The following RBM26 variants were observed in gnomAD, a reference collection of about 807,000 sequenced individuals.
The protein encoded by RBM26 is RNA binding motif protein 26.
A neutral mutation model predicts 123.6 loss-of-function variants in RBM26; 30 were observed. The observed-to-expected ratio is 0.24, with a 90% CI of 0.18 to 0.33. The LOEUF is 0.33. Among genes scored for constraint, RBM26 ranks in the 10% least tolerant of loss-of-function variants. RBM26 has a pLI of 1.00. For missense variants in RBM26, 947 were observed against 1,203.6 expected (o/e 0.79, Z 3.15); for synonymous variants, 400 against 404.4 (o/e 0.99, Z 0.13).
chr13:79,348,900 C>T lies in RBM26; in HGVS notation c.2059-4106G>A, dbSNP rs1404162507. Reference sequence around the variant, plus strand: ...AGTATGTTTTAATGCACTGATCTACCTTATCTTTTTTGTAGCTTTCAAAAT... The same window carrying T: ...AGTATGTTTTAATGCACTGATCTACTTTATCTTTTTTGTAGCTTTCAAAAT... On this transcript the variant is annotated intron_variant, in intron 14 of 21. Coordinates refer to ENST00000438737, the MANE Select transcript of RBM26 (RefSeq NM_001366735.2). 3.3e-5 allele frequency among the ~76,000 whole-genome samples: 5 copies of T among 152,068 alleles called. No individual in the cohort carries two copies. The South Asian group carries it at 6.2e-4, about 19-fold the overall frequency.
At chr13:79,391,432 G>C (rs969550894) in intron 1 of RBM26, among the ~76,000 whole-genome samples, 9 of 152,158 alleles carry the variant, frequency 5.9e-5, no homozygotes, top group African/African-American at 2.2e-4. Flanking sequence ...CTTTTTGTGT[G>C]TGTGTTTTTT....
At chr13:79,405,267 G>A (rs1311165858) in intron 1 of RBM26, among the ~76,000 whole-genome samples, 1 of 152,200 alleles carries the variant, frequency 6.6e-6, no homozygotes, top group African/African-American at 2.4e-5. Context: ...CATGGGAGAC[G>A]TGGCCTTGCT....
At chr13:79,360,116 T>C (rs998881330) in intron 9 of RBM26, among the ~76,000 whole-genome samples, 18 of 152,124 alleles carry the variant, frequency 1.2e-4, no homozygotes, top group Admixed American at 3.3e-4. Context: ...ACTTTTATTA[T>C]AGTATATTGT....
intron 15 of RBM26, 78 bp downstream of exon 15, chr13:79,344,591 T>C (rs2071981215): frequency 7.8e-7 from 1 of 1,285,398 alleles, no homozygotes; most frequent in Non-Finnish European, 1.1e-6. Context: ...TATTTTGCAA[T>C]AAGCACTGAA....
chr13:79,341,079 A>G, intron 18 of RBM26, 44 bp downstream of exon 18: 1 of 1,146,128 alleles, frequency 8.7e-7, no homozygotes, highest in Non-Finnish European at 1.3e-6. Flanking sequence ...CTACAACTAC[A>G]TTTGCTTCTT....
In RBM26 at chr13:79,356,388, ACAAAAAAAAAC is replaced by A. The variant is rs2074013897; in HGVS notation, c.1690-1015_1690-1005del. 4.8e-3 allele frequency among the ~76,000 whole-genome samples: 218 copies of A among 45,378 alleles called. 1 individual carries two copies. Among genetic ancestry groups the A allele is most frequent in the African/African-American group, 0.016 (160 of 9,812 alleles). The allele number at this position is 45,378 out of a possible 152,430, so 29.8% of individuals were successfully genotyped here. On this transcript the variant is annotated intron_variant, in intron 11 of 21. Transcript: ENST00000438737. ...CTGTCTCAAAAAAAAAAAAAAACAA[ACAAAAAAAAAC>A]AAAAAAGTAGTTGGAATCAAACTGC...
Position 79,366,887 on chromosome 13 carries a change from T to C in RBM26, c.896-15A>G, listed in dbSNP as rs1008881609. The C allele has an allele frequency of 6.4e-7, 1 of 1,566,364 alleles. No homozygotes were observed. The highest frequency in any genetic ancestry group is 8.7e-7 in the Non-Finnish European group (1 of 1,151,564). On this transcript the variant is annotated splice_polypyrimidine_tract_variant and intron_variant, in intron 6 of 21. Transcript: ENST00000438737. ...AAAACCCTTTTCTATGAGGAAGGAA[T>C]AGTTAGAAACAAATGTCAAAAGCAC...
rs2139230555 is a variant in RBM26 at position 79,345,505 on chromosome 13, T to C, written c.2059-711A>G. On this transcript the variant is annotated intron_variant, in intron 14 of 21. Transcript: ENST00000438737. Reference sequence around the variant, plus strand: ...AATGTGTCTTTTCCCCCGTCTACAATGTAAGGGCATTAACATAAAGACTTG... The same window carrying C: ...AATGTGTCTTTTCCCCCGTCTACAACGTAAGGGCATTAACATAAAGACTTG... Among the ~76,000 whole-genome samples, 2 of 152,210 alleles carry C rather than the reference T, an allele frequency of 1.3e-5. 1 individual carries two copies. Among genetic ancestry groups the C allele is most frequent in the South Asian group, 4.1e-4 (2 of 4,824 alleles).
chr13:79,327,763 T>C (rs2068661072), intron 20 of RBM26, among the ~76,000 whole-genome samples: 2 of 152,048 alleles, frequency 1.3e-5, no homozygotes, highest in South Asian at 4.1e-4. Context: ...GTTGTCTATA[T>C]AAAGAAACCA....
chr13:79,328,683 T>TAAAA (rs747906560), intron 20 of RBM26, among the ~76,000 whole-genome samples: 719 of 37,624 alleles, frequency 0.019, 13 homozygotes, highest in African/African-American at 0.037. Flanking sequence ...CTGCATTAAG[T>TAAAA]AAAAAAAAAA....
exon 5 of RBM26, chr13:79,312,962 G>C (rs1349059359): frequency 2.0e-5 from 3 of 151,586 alleles, no homozygotes; most frequent in East Asian, 3.9e-4. Flanking sequence ...TTGTAAACAA[G>C]ACCAAAAATA....
intron 6 of RBM26, among the ~76,000 whole-genome samples, chr13:79,368,033 TTA>T (rs1555326859): frequency 5.5e-5 from 5 of 90,776 alleles, no homozygotes; most frequent in Admixed American, 3.0e-4. Flanking sequence ...TTTTTTATTT[TTA>T]TTTTTTTTGA....
At chr13:79,360,044 C>T (rs952042117) in intron 9 of RBM26, among the ~76,000 whole-genome samples, 2 of 152,076 alleles carry the variant, frequency 1.3e-5, no homozygotes, top group African/African-American at 4.8e-5. Context: ...CATCCCCTAT[C>T]ATCCCAAGAA....
chr13:79,369,994 G>T (rs1475666827), intron 5 of RBM26, among the ~76,000 whole-genome samples: 1 of 152,066 alleles, frequency 6.6e-6, no homozygotes, highest in African/African-American at 2.4e-5. Flanking sequence ...TTTGCTCTCT[G>T]TCATCACAGA....
At chr13:79,394,822 C>A (rs1316306417) in intron 1 of RBM26, among the ~76,000 whole-genome samples, 1 of 152,056 alleles carries the variant, frequency 6.6e-6, no homozygotes, top group African/African-American at 2.4e-5. Context: ...TTAGTTTGGA[C>A]GGGGTTTCAC....
At chr13:79,357,649 G>A (rs2074184270) in intron 11 of RBM26, among the ~76,000 whole-genome samples, 1 of 152,144 alleles carries the variant, frequency 6.6e-6, no homozygotes, top group Non-Finnish European at 1.5e-5. Flanking sequence ...CACCATAGGA[G>A]TGACAAAAAT....
Position 79,369,242 on chromosome 13 carries a change from T to C in RBM26, c.635-252A>G, listed in dbSNP as rs1415027089. On this transcript the variant is annotated intron_variant, in intron 5 of 21. Transcript: ENST00000438737. ...ATGTTTTTCCTTAGAGTTTTGTTTA[T>C]AGAAAAAAGGAATTTTATATTTTCT... is the stretch of plus-strand genomic sequence containing the variant. 5.9e-5 allele frequency among the ~76,000 whole-genome samples: 9 copies of C among 152,292 alleles called. No homozygotes were observed. The East Asian group carries it at 1.5e-3, about 26-fold the overall frequency.
intron 2 of RBM26, 119 bp from the exon 3 acceptor site, chr13:79,377,634 A>C (rs942300204): frequency 3.6e-6 from 3 of 830,316 alleles, no homozygotes; most frequent in African/African-American, 3.5e-5. Context: ...ACTAGAAAAT[A>C]TACTAGCACT....
At chr13:79,370,210 G>A (rs2075739907) in intron 5 of RBM26, among the ~76,000 whole-genome samples, 2 of 152,116 alleles carry the variant, frequency 1.3e-5, no homozygotes, top group African/African-American at 4.8e-5. Context: ...CAGCTACTTG[G>A]GAGGCTGAGG....
Sources: allele counts gnomAD v4.1 joint callset (sites outside exome capture counted in the v4.1 genomes callset), GRCh38; gene constraint gnomAD v4.1.1; transcripts MANE v1.5; gene names NCBI Gene and HGNC (gene_info 2026-07-23, HGNC 2026-07-21).